KCNMA1: variants seen among roughly 807,000 people sequenced by gnomAD.
KCNMA1 encodes the protein potassium calcium-activated channel subfamily M alpha 1, also known as Calcium-activated potassium channel subunit alpha-1.
Under a neutral mutation model 140.0 loss-of-function variants are expected in KCNMA1, and 29 were observed. The observed-to-expected ratio is 0.21, with a 90% CI of 0.15 to 0.28. KCNMA1 has a LOEUF of 0.28. Among genes scored for constraint, KCNMA1 ranks in the 10% least tolerant of loss-of-function variants. The pLI is 1.00. For synonymous variants in KCNMA1, 612 were observed against 611.9 expected, an observed-to-expected ratio of 1.00 and a Z score of 0.00; for missense variants, 880 against 1,602.2, an observed-to-expected ratio of 0.55 and a Z score of 7.70.
intron 19 of KCNMA1, 182 bp from the exon 20 acceptor site, chr10:76,970,249 A>C: frequency 1.5e-6 from 1 of 649,800 alleles, no homozygotes; most frequent in Non-Finnish European, 2.8e-6. Flanking sequence ...AGAGAAGGTG[A>C]AGGCAACACC....
chr10:77,473,352 T>C (rs2098208841), intron 1 of KCNMA1, among the ~76,000 whole-genome samples: 1 of 152,126 alleles, frequency 6.6e-6, no homozygotes, highest in Non-Finnish European at 1.5e-5. Flanking sequence ...CTTGCAATTA[T>C]CTCCTGAGGG....
intron 23 of KCNMA1, among the ~76,000 whole-genome samples, chr10:76,934,935 C>T (rs1352905092): frequency 2.0e-5 from 3 of 152,162 alleles, no homozygotes; most frequent in Non-Finnish European, 2.9e-5. Context: ...ATTTAAGTGT[C>T]TTCACAAAGA....
At chr10:77,307,677 G>A (rs1347328976) in intron 2 of KCNMA1, among the ~76,000 whole-genome samples, 2 of 152,116 alleles carry the variant, frequency 1.3e-5, no homozygotes, top group African/African-American at 4.8e-5. Flanking sequence ...CTCCCAAGTA[G>A]CTGGGACTAC....
intron 1 of KCNMA1, among the ~76,000 whole-genome samples, chr10:77,597,181 A>G (rs2081195704): frequency 1.3e-5 from 2 of 152,148 alleles, no homozygotes; most frequent in Admixed American, 1.3e-4. Context: ...ATGATTGAAA[A>G]AATTATGGTA....
intron 5 of KCNMA1, among the ~76,000 whole-genome samples, chr10:77,160,324 C>T (rs1002194408): frequency 1.3e-5 from 2 of 152,198 alleles, no homozygotes; most frequent in Admixed American, 1.3e-4. Flanking sequence ...GTCTGGAATG[C>T]TCTTGGCCCT....
intron 12 of KCNMA1, among the ~76,000 whole-genome samples, chr10:77,080,039 C>T (rs2096525803): frequency 6.6e-6 from 1 of 152,078 alleles, no homozygotes; most frequent in Non-Finnish European, 1.5e-5. Context: ...TTGGGGAAGC[C>T]ACCATGAGGA....
chr10:77,355,311 G>A (rs184632249), intron 2 of KCNMA1: 30 of 153,150 alleles, frequency 2.0e-4, no homozygotes, highest in South Asian at 1.2e-3. Context: ...TATAGCATCC[G>A]TTGTCCACTT....
chr10:76,907,091 T>G (rs181411125), intron 25 of KCNMA1, among the ~76,000 whole-genome samples: 29 of 152,296 alleles, frequency 1.9e-4, no homozygotes, highest in Admixed American at 2.6e-4. Context: ...TCTGGGCCCT[T>G]AGTAAATGAT....
At chr10:77,178,726 A>C (rs2098776054) in intron 5 of KCNMA1, among the ~76,000 whole-genome samples, 1 of 152,188 alleles carries the variant, frequency 6.6e-6, no homozygotes, top group Admixed American at 6.5e-5. Flanking sequence ...AAACAAAAAA[A>C]CATACACACA....
chr10:77,447,045 G>A (rs1412700433), intron 1 of KCNMA1, among the ~76,000 whole-genome samples: 2 of 152,178 alleles, frequency 1.3e-5, no homozygotes, highest in Non-Finnish European at 2.9e-5. Flanking sequence ...AGGACTTGAG[G>A]CCCAGCTTCA....
At chr10:77,117,170 A>C (rs2153920581) in intron 6 of KCNMA1, among the ~76,000 whole-genome samples, 1 of 152,238 alleles carries the variant, frequency 6.6e-6, no homozygotes, top group African/African-American at 2.4e-5. Flanking sequence ...ATTATCTCAA[A>C]GTAGTGTGAT....
chr10:77,525,572 A>G (rs1259709672), intron 1 of KCNMA1, among the ~76,000 whole-genome samples: 2 of 152,352 alleles, frequency 1.3e-5, no homozygotes, highest in East Asian at 1.9e-4. Flanking sequence ...GGCCCCACAC[A>G]GCTGGTGCCT....
At chr10:77,472,158 A>G (rs2098174545) in intron 1 of KCNMA1, among the ~76,000 whole-genome samples, 1 of 136,652 alleles carries the variant, frequency 7.3e-6, no homozygotes, top group Non-Finnish European at 1.7e-5. Flanking sequence ...TCACACATAT[A>G]TTATATATTC....
intron 2 of KCNMA1, among the ~76,000 whole-genome samples, chr10:77,313,256 C>A (rs1371035677): frequency 1.3e-5 from 2 of 152,204 alleles, no homozygotes; most frequent in African/African-American, 2.4e-5. Flanking sequence ...CAGCATTGGG[C>A]AATCCCAATT....
intron 1 of KCNMA1, among the ~76,000 whole-genome samples, chr10:77,406,280 A>G (rs1279615982): frequency 6.6e-6 from 1 of 151,940 alleles, no homozygotes; most frequent in Non-Finnish European, 1.5e-5. Context: ...GAAGGTGTAG[A>G]TTCGGGGGAA....
At chr10:77,349,266 G>C (rs1301165934) in intron 2 of KCNMA1, among the ~76,000 whole-genome samples, 1 of 152,086 alleles carries the variant, frequency 6.6e-6, no homozygotes, top group East Asian at 1.9e-4. Flanking sequence ...ACCATGTGAG[G>C]ACACAGCAAG....
At chr10:77,421,897 G>T (rs1371503746) in intron 1 of KCNMA1, among the ~76,000 whole-genome samples, 1 of 152,314 alleles carries the variant, frequency 6.6e-6, no homozygotes, top group Non-Finnish European at 1.5e-5. Context: ...GTGGACTAGA[G>T]CCATGTTTCC....
chr10:77,178,560 C>G (rs1163944815), intron 5 of KCNMA1, among the ~76,000 whole-genome samples: 1 of 152,068 alleles, frequency 6.6e-6, no homozygotes, highest in Admixed American at 6.5e-5. Flanking sequence ...CAAACATTAG[C>G]TGGGTGTGGT....
chr10:77,580,551 G>A (rs1213791306), intron 1 of KCNMA1, among the ~76,000 whole-genome samples: 1 of 152,196 alleles, frequency 6.6e-6, no homozygotes. Flanking sequence ...CCCATGACTT[G>A]GGAAATGCAG....
Sources: allele counts gnomAD v4.1 joint callset (sites outside exome capture counted in the v4.1 genomes callset), GRCh38; gene constraint gnomAD v4.1.1; transcripts MANE v1.5; gene names NCBI Gene and HGNC (gene_info 2026-07-23, HGNC 2026-07-21).